The following UST variants were observed in gnomAD, a reference collection of about 807,000 sequenced individuals.
UST encodes the protein chondroitin sulfate 2-O-sulfotransferase.
Under a neutral mutation model 45.6 loss-of-function variants are expected in UST, and 21 were observed. That is an observed-to-expected ratio of 0.46 (90% CI 0.33 to 0.66). The LOEUF is 0.66. Ranked by LOEUF, UST falls within the 30% of genes least tolerant of loss-of-function variation. UST has a pLI of 0.02. For missense variants in UST, 463 were observed against 512.4 expected (o/e 0.90, Z 0.93); for synonymous variants, 215 against 200.6 (o/e 1.07, Z -0.61).
chr6:149,061,502 G>A (rs979166231), intron 7 of UST, among the ~76,000 whole-genome samples: 13 of 151,934 alleles, frequency 8.6e-5, no homozygotes, highest in Admixed American at 7.2e-4. Flanking sequence ...CATGCAGACA[G>A]GTTACTGGCG....
At chr6:148,950,379 T>G (rs1225637646) in intron 3 of UST, among the ~76,000 whole-genome samples, 2 of 152,232 alleles carry the variant, frequency 1.3e-5, no homozygotes, top group African/African-American at 4.8e-5. Flanking sequence ...CTTCTGTATC[T>G]AATCCTTACC....
Position 148,884,715 on chromosome 6 carries a change from A to G in UST, c.248-2271A>G, listed in dbSNP as rs538968723. Reference sequence around the variant, plus strand: ...ATGATCTAGTAGATAAGGCTGAACGATCTCTCTGGTTGCTATATGAGTAGG... The same window carrying G: ...ATGATCTAGTAGATAAGGCTGAACGGTCTCTCTGGTTGCTATATGAGTAGG... On this transcript the variant is annotated intron_variant, in intron 1 of 7. Transcript: ENST00000367463. Among the ~76,000 whole-genome samples the G allele has an allele frequency of 9.2e-5, 14 of 152,236 alleles. 1 individual carries two copies. In the South Asian group the frequency reaches 2.9e-3, roughly 32 times the overall value.
In UST at chr6:148,860,466, T is replaced by C. The variant is rs1252397324; in HGVS notation, c.248-26520T>C. Among the ~76,000 whole-genome samples the C allele has an allele frequency of 2.0e-5, 3 of 152,216 alleles. No homozygotes were observed. The East Asian group carries it at 5.8e-4, about 29-fold the overall frequency. ...ACAGGGACAATTTGACTTCCTCTTT[T>C]CCTAATTGAATACCCTTTATTTCTT... On this transcript the variant is annotated intron_variant, in intron 1 of 7. Transcript: ENST00000367463.
intron 2 of UST, among the ~76,000 whole-genome samples, chr6:148,924,877 C>T (rs1582901834): frequency 6.6e-6 from 1 of 152,176 alleles, no homozygotes; most frequent in East Asian, 1.9e-4. Context: ...AGGTGGAATG[C>T]GTGTTTTTGA....
At chr6:148,972,353 G>A (rs1780932901) in intron 5 of UST, among the ~76,000 whole-genome samples, 1 of 152,228 alleles carries the variant, frequency 6.6e-6, no homozygotes, top group Admixed American at 6.5e-5. Flanking sequence ...GGGGACAGCA[G>A]GAGGGGACTG....
chr6:149,069,562 G>C (rs987089833), intron 7 of UST, among the ~76,000 whole-genome samples: 3 of 152,058 alleles, frequency 2.0e-5, no homozygotes, highest in African/African-American at 7.2e-5. Context: ...TATTCGGAAG[G>C]ATATAATGTC....
intron 4 of UST, 37 bp downstream of exon 4, chr6:148,953,988 C>G (rs1780426475): frequency 6.7e-7 from 1 of 1,493,410 alleles, no homozygotes. Flanking sequence ...CTTTCATTTT[C>G]TTCTAATGAA....
rs532613107 is a variant in UST at position 148,956,446 on chromosome 6, C to T, written c.527+2495C>T. ...ACCATCATATCTTGTGAGACTTATT[C>T]GCTACCACGAGAACAGTATGGGGGA... On this transcript the variant is annotated intron_variant, in intron 4 of 7. Transcript: ENST00000367463. Among the ~76,000 whole-genome samples the T allele has an allele frequency of 1.2e-4, 19 of 152,272 alleles. No homozygotes were observed. In the East Asian group the frequency reaches 1.9e-3, roughly 15 times the overall value.
chr6:148,831,930 AC>A (rs1395577766), intron 1 of UST, among the ~76,000 whole-genome samples: 4 of 152,270 alleles, frequency 2.6e-5, no homozygotes, highest in African/African-American at 9.6e-5. Context: ...AAACTCAATT[AC>A]CCAACCTGAT....
intron 1 of UST, among the ~76,000 whole-genome samples, chr6:148,813,234 G>T (rs1777292688): frequency 6.6e-6 from 1 of 152,164 alleles, no homozygotes; most frequent in African/African-American, 2.4e-5. Flanking sequence ...TATGGTTTGG[G>T]ATGGGAAATG....
chr6:148,847,694 G>A (rs894859571), intron 1 of UST, among the ~76,000 whole-genome samples: 1 of 152,206 alleles, frequency 6.6e-6, no homozygotes, highest in Admixed American at 6.5e-5. Context: ...CAGATACTGT[G>A]AGGAAAGTAG....
At chr6:149,017,193 C>T (rs1031462169) in intron 5 of UST, among the ~76,000 whole-genome samples, 4 of 152,078 alleles carry the variant, frequency 2.6e-5, no homozygotes, top group African/African-American at 9.7e-5. Context: ...GTGGCTAACA[C>T]GGTGAAACCC....
chr6:148,871,141 TCTCTCC>T (rs1358705372), intron 1 of UST, among the ~76,000 whole-genome samples: 2 of 149,264 alleles, frequency 1.3e-5, no homozygotes, highest in East Asian at 2.0e-4. Context: ...TCTCTCTCTC[TCTCTCC>T]CTCTCTCCCT....
intron 1 of UST, among the ~76,000 whole-genome samples, chr6:148,838,427 G>A (rs1369745906): frequency 1.3e-5 from 2 of 152,188 alleles, no homozygotes; most frequent in African/African-American, 4.8e-5. Context: ...TATCCAAACA[G>A]GTGTATTCCA....
chr6:148,907,999 C>T (rs1002630487), intron 2 of UST, among the ~76,000 whole-genome samples: 4 of 146,176 alleles, frequency 2.7e-5, no homozygotes, highest in African/African-American at 5.1e-5. Context: ...ACCTCCGTCT[C>T]GCAGGTTCAA....
chr6:148,763,326 A>T (rs1039206947), intron 1 of UST, among the ~76,000 whole-genome samples: 62 of 151,996 alleles, frequency 4.1e-4, no homozygotes, highest in African/African-American at 1.3e-3. Flanking sequence ...ATGTCTGTTC[A>T]TGTCCTTTGC....
intron 1 of UST, among the ~76,000 whole-genome samples, chr6:148,881,638 C>T (rs1419668680): frequency 2.0e-5 from 3 of 152,112 alleles, no homozygotes; most frequent in African/African-American, 7.2e-5. Context: ...TTCCCTTCCC[C>T]GAATTTAGAT....
chr6:149,009,958 A>G (rs1327959284), intron 5 of UST, among the ~76,000 whole-genome samples: 1 of 151,840 alleles, frequency 6.6e-6, no homozygotes, highest in African/African-American at 2.4e-5. Context: ...CTTAGATCCA[A>G]TCATTTAAAT....
chr6:148,986,000 G>A (rs923639663), intron 5 of UST, among the ~76,000 whole-genome samples: 61 of 152,292 alleles, frequency 4.0e-4, no homozygotes, highest in African/African-American at 1.4e-3. Flanking sequence ...GGACTATTGG[G>A]TAAGGAGAGC....
Sources: gnomAD v4.1 joint callset for allele counts (sites outside exome capture counted in the v4.1 genomes callset) on GRCh38, gnomAD v4.1.1 for gene constraint, MANE v1.5 for transcripts, NCBI Gene and HGNC (gene_info 2026-07-23, HGNC 2026-07-21) for gene names.